The following XCR1 variants were observed in gnomAD, a reference collection of about 807,000 sequenced individuals.
The protein encoded by XCR1 is chemokine XC receptor 1.
For missense variants in XCR1, 356 were observed against 424.2 expected (o/e 0.84, Z 1.41); for synonymous variants, 187 against 188.5 (o/e 0.99, Z 0.06).
At chr3:46,082,014 A>G (rs1393020807) in intron 1 of XCR1, among the ~76,000 whole-genome samples, 1 of 152,142 alleles carries the variant, frequency 6.6e-6, no homozygotes, top group Non-Finnish European at 1.5e-5. Flanking sequence ...GTGGGAAGGG[A>G]CCATATCAGG....
intron 1 of XCR1, among the ~76,000 whole-genome samples, chr3:46,081,632 G>A (rs1279653508): frequency 6.6e-6 from 1 of 152,024 alleles, no homozygotes. Context: ...GGCATTGCAA[G>A]CATTTTTGCC....
chr3:46,033,100 T>A (rs1291517497), intron 5 of XCR1, among the ~76,000 whole-genome samples: 1 of 152,154 alleles, frequency 6.6e-6, no homozygotes, highest in Non-Finnish European at 1.5e-5. Context: ...AACAAGGTTT[T>A]TTTTTGTAGC....
At position 46,021,795 on chromosome 3, in the gene XCR1, C is replaced by A; in HGVS notation, c.153G>T (p.Leu51=). ...VFLLSLVGNS[L]VLWVLVKYES... ...CATACTTCACCAGGACCCACAGGAC[C>A]AGGCTGTTGCCCACTAGGCTGAGGA... Residue 51 remains leucine, a synonymous_variant, in exon 2 of 2, where the codon CTG becomes CTT. Transcript: ENST00000309285. The surrounding 1 kb of genome is among the most constrained non-coding windows in gnomAD (Gnocchi z 4.7). 5 of 1,614,072 alleles carry A rather than the reference C, an allele frequency of 3.1e-6. No homozygotes were observed. Among genetic ancestry groups the A allele is most frequent in the Non-Finnish European group, 4.2e-6 (5 of 1,180,012 alleles).
At chr3:46,079,065 T>C (rs1045115017) in intron 1 of XCR1, among the ~76,000 whole-genome samples, 1 of 152,212 alleles carries the variant, frequency 6.6e-6, no homozygotes, top group African/African-American at 2.4e-5. Flanking sequence ...GCAGTGCTCG[T>C]AAGCACCACA....
chr3:46,052,772 G>T (rs1179325262), intron 5 of XCR1, among the ~76,000 whole-genome samples: 1 of 152,226 alleles, frequency 6.6e-6, no homozygotes, highest in Non-Finnish European at 1.5e-5. Flanking sequence ...TAGAGTAAAG[G>T]TTAGCATTTC....
chr3:46,021,376 T>C lies in XCR1; in HGVS notation c.572A>G (p.Asn191Ser), dbSNP rs1382286550. 1.2e-6 allele frequency: 2 copies of C among 1,613,892 alleles called. No homozygotes were observed. The highest frequency in any genetic ancestry group is 1.1e-5 in the South Asian group (1 of 91,074). ...CCCCAGGGACAGCAGGAAGAAGAGG[T>C]TGTGCTGGTAGACGGAGGTGAGGTA... ...TWYLTSVYQH[N>S]LFFLLSLGII... The change falls in exon 2 of 2, where the codon AAC becomes AGC. Residue 191 changes from asparagine to serine, a missense_variant. By Grantham distance (46) the Asn-to-Ser change is conservative (BLOSUM62 1). Transcript: ENST00000309285. The surrounding 1 kb of genome is among the most constrained non-coding windows in gnomAD (Gnocchi z 4.7).
At chr3:46,064,738 C>T (rs1207263300) in intron 4 of XCR1, among the ~76,000 whole-genome samples, 2 of 152,208 alleles carry the variant, frequency 1.3e-5, no homozygotes, top group Non-Finnish European at 2.9e-5. Flanking sequence ...GCCTTCTCTG[C>T]TCAGCCCCAG....
chr3:46,023,211 G>A (rs551323434), intron 1 of XCR1: 155 of 511,516 alleles, frequency 3.0e-4, no homozygotes, highest in African/African-American at 2.9e-3. Context: ...TGCGCCCAGA[G>A]AGGACGCGGC....
chr3:46,032,777 A>G (rs1708423749), intron 5 of XCR1, among the ~76,000 whole-genome samples: 1 of 152,248 alleles, frequency 6.6e-6, no homozygotes. Flanking sequence ...AGACATCCAC[A>G]TTCACGTTAG....
At chr3:46,085,782 G>A (rs1281492066) in intron 1 of XCR1, among the ~76,000 whole-genome samples, 2 of 152,246 alleles carry the variant, frequency 1.3e-5, no homozygotes, top group African/African-American at 4.8e-5. Flanking sequence ...CCTTGGTGTA[G>A]GGCCTCCTTA....
At chr3:46,060,937 G>A (rs923736052) in intron 4 of XCR1, among the ~76,000 whole-genome samples, 1 of 152,184 alleles carries the variant, frequency 6.6e-6, no homozygotes, top group African/African-American at 2.4e-5. Context: ...AATTGAATAG[G>A]CATAAGCCCA....
intron 5 of XCR1, among the ~76,000 whole-genome samples, chr3:46,046,077 G>A (rs919516218): frequency 3.3e-5 from 5 of 152,178 alleles, no homozygotes; most frequent in African/African-American, 1.2e-4. Flanking sequence ...AACATGGAGA[G>A]AACTGGAGGC....
chr3:46,041,169 A>G (rs1332602990), intron 5 of XCR1, among the ~76,000 whole-genome samples: 1 of 152,182 alleles, frequency 6.6e-6, no homozygotes, highest in Non-Finnish European at 1.5e-5. Context: ...TTCCTGATTC[A>G]TGGCAATGTG....
At position 46,020,756 on chromosome 3, in the gene XCR1, A is replaced by G; in HGVS notation, c.*190T>C. ...GGCAGTATAAAATTCCCAGGTAGGA[A>G]GCCACTTTCCCGCAGATGAGAGGCT... is the stretch of plus-strand genomic sequence containing the variant. On this transcript the variant is annotated 3_prime_UTR_variant, in exon 2 of 2. Coordinates refer to ENST00000309285, the MANE Select transcript of XCR1 (RefSeq NM_001024644.2). 1.3e-6 allele frequency: 1 copy of G among 755,210 alleles called. No homozygotes were observed. The highest frequency in any genetic ancestry group is 2.8e-5 in the East Asian group (1 of 36,158). 46.8% of individuals were successfully genotyped at this position (755,210 alleles called of 1,614,324 possible). A position where few individuals can be genotyped will look rare whatever the true frequency, so the allele number is the denominator to read the frequency against.
rs1454969055 is a variant in XCR1 at position 46,021,144 on chromosome 3, G to A, written c.804C>T (p.Ala268=). The A allele has an allele frequency of 1.9e-6, 3 of 1,614,240 alleles. No individual in the cohort carries two copies. Among genetic ancestry groups the A allele is most frequent in the Admixed American group, 1.7e-5 (1 of 60,020 alleles). The change falls in exon 2 of 2, where the codon GCC becomes GCT. Residue 268 remains alanine, a synonymous_variant. Transcript: ENST00000309285. This position sits in a 1 kb window ranked among gnomAD's most constrained non-coding sequence, Gnocchi z 4.7. ...AGGCGAGGTTGCGGCAGATGAGCAG[G>A]GCGTATTCTAGCTGCTGTTTGGCCT... ...SCEAKQQLEY[A]LLICRNLAFS...
intron 3 of XCR1, among the ~76,000 whole-genome samples, chr3:46,070,711 T>A (rs1698149957): frequency 6.6e-6 from 1 of 152,150 alleles, no homozygotes; most frequent in Non-Finnish European, 1.5e-5. Context: ...TCTTGTTTTT[T>A]TAATCCATTA....
At chr3:46,060,165 A>G (rs1697933555) in intron 4 of XCR1, among the ~76,000 whole-genome samples, 1 of 152,242 alleles carries the variant, frequency 6.6e-6, no homozygotes, top group African/African-American at 2.4e-5. Flanking sequence ...AGCTGTTTAT[A>G]TAACATAGCT....
At position 46,018,064 on chromosome 3, in the gene XCR1, G is replaced by A. The variant is rs1245678137; in HGVS notation, c.*2882C>T. ...CTTCTCTTTGTGCCTCTTCCCTTGG[G>A]TTCTTGAGGAGCTAGATTAGGGGAA... On this transcript the variant is annotated 3_prime_UTR_variant, in exon 2 of 2. Transcript: ENST00000309285. 6.6e-6 allele frequency: 1 copy of A among 152,162 alleles called. No individual in the cohort carries two copies. The highest frequency in any genetic ancestry group is 1.5e-5 in the Non-Finnish European group (1 of 68,064). The allele number at this position is 152,162 out of a possible 1,614,324, so 9.4% of individuals were successfully genotyped here.
rs115380193 is a variant in XCR1, at chr3:46,053,963, T to G, written c.-75A>C. Among the ~76,000 whole-genome samples, 730 of 152,094 alleles carry G rather than the reference T, an allele frequency of 4.8e-3. 18 individuals carry two copies. The highest frequency in any genetic ancestry group is 0.016 in the African/African-American group (678 of 41,378). ...TGGCAGACTCATCCCGGGCTCCCTG[T>G]TCGCCTTGTCAGTTTCAGTTCCTCT... On this transcript the variant is annotated 5_prime_UTR_variant, in exon 5 of 6. Transcript: ENST00000683768.
Sources: allele counts gnomAD v4.1 joint callset (sites outside exome capture counted in the v4.1 genomes callset), GRCh38; gene constraint gnomAD v4.1.1; non-coding constraint Gnocchi (gnomAD v3.1); transcripts MANE v1.5; gene names NCBI Gene and HGNC (gene_info 2026-07-23, HGNC 2026-07-21).